KCNAB1: variants seen among roughly 807,000 people sequenced by gnomAD.
KCNAB1 encodes the protein voltage-gated potassium channel subunit beta-1.
In KCNAB1, 35 loss-of-function variants were observed where a neutral mutation model predicts 64.6. The ratio of observed to expected loss-of-function variants is 0.54; its 90% CI spans 0.41 to 0.72. The LOEUF is 0.72. Ranked by LOEUF, KCNAB1 falls within the 30% of genes least tolerant of loss-of-function variation. The probability of loss-of-function intolerance (pLI) is 0.00; values close to 1 mark genes in which losing one functional copy is unlikely to be tolerated. For missense variants in KCNAB1, 401 were observed against 512.9 expected (o/e 0.78, Z 2.11); for synonymous variants, 177 against 183.8 (o/e 0.96, Z 0.30).
At chr3:156,273,430 G>A in intron 1 of KCNAB1, 1 of 367,022 alleles carries the variant, frequency 2.7e-6, no homozygotes, top group Admixed American at 3.1e-5. Context: ...GCTAGGCCTG[G>A]TCTAAATGCT....
intron 1 of KCNAB1, among the ~76,000 whole-genome samples, chr3:156,412,995 T>C (rs962613754): frequency 6.6e-6 from 1 of 152,216 alleles, no homozygotes; most frequent in African/African-American, 2.4e-5. Context: ...TGGTCTAAAG[T>C]GCTGGAGTTA....
chr3:156,536,027 T>G (rs1367757137), intron 13 of KCNAB1, among the ~76,000 whole-genome samples: 1 of 152,230 alleles, frequency 6.6e-6, no homozygotes, highest in East Asian at 1.9e-4. Flanking sequence ...TCACTCCAGT[T>G]CACTTTTCCA....
chr3:156,524,168 CA>C, intron 12 of KCNAB1: 1 of 477,324 alleles, frequency 2.1e-6, no homozygotes, highest in Non-Finnish European at 3.7e-6. Flanking sequence ...GCTCTTATAA[CA>C]TAGTTTAAAT....
At chr3:156,182,618 T>G (rs1214951620) in intron 1 of KCNAB1, among the ~76,000 whole-genome samples, 1 of 81,248 alleles carries the variant, frequency 1.2e-5, no homozygotes, top group East Asian at 6.4e-4. Flanking sequence ...TTTCCAGGGT[T>G]GGTTTTTTTT....
intron 2 of KCNAB1, among the ~76,000 whole-genome samples, chr3:156,434,265 T>C (rs534248354): frequency 5.9e-5 from 9 of 152,164 alleles, no homozygotes; most frequent in Non-Finnish European, 1.0e-4. Flanking sequence ...ACAGTGCAGA[T>C]GGCAAGGTGG....
intron 1 of KCNAB1, among the ~76,000 whole-genome samples, chr3:156,393,467 T>C (rs1212366930): frequency 6.6e-6 from 1 of 152,162 alleles, no homozygotes; most frequent in East Asian, 1.9e-4. Context: ...TATACCCTTC[T>C]CTTACTAATC....
At chr3:156,429,690 T>C (rs1209299186) in intron 2 of KCNAB1, among the ~76,000 whole-genome samples, 1 of 152,204 alleles carries the variant, frequency 6.6e-6, no homozygotes, top group Non-Finnish European at 1.5e-5. Flanking sequence ...ATGATTCCCA[T>C]TCTTGTTGTT....
intron 12 of KCNAB1, among the ~76,000 whole-genome samples, chr3:156,526,314 T>G (rs143307450): frequency 6.6e-6 from 1 of 152,306 alleles, no homozygotes; most frequent in East Asian, 1.9e-4. Flanking sequence ...CCTGTCGCTA[T>G]GGGATGCATA....
intron 1 of KCNAB1, among the ~76,000 whole-genome samples, chr3:156,197,835 C>A (rs151015365): frequency 6.6e-6 from 1 of 152,192 alleles, no homozygotes; most frequent in Admixed American, 6.5e-5. Flanking sequence ...CTTCTGCTAG[C>A]TTTTGAATTC....
intron 1 of KCNAB1, among the ~76,000 whole-genome samples, chr3:156,325,057 T>G (rs1369362265): frequency 6.6e-6 from 1 of 152,160 alleles, no homozygotes; most frequent in East Asian, 1.9e-4. Context: ...AACTTTCATT[T>G]ATGGAGGGTT....
intron 1 of KCNAB1, among the ~76,000 whole-genome samples, chr3:156,262,898 T>G (rs1196116175): frequency 6.6e-6 from 1 of 151,892 alleles, no homozygotes; most frequent in Admixed American, 6.5e-5. Flanking sequence ...TAATTTGTGT[T>G]GTTTTAGGTA....
intron 1 of KCNAB1, among the ~76,000 whole-genome samples, chr3:156,137,322 G>C (rs557072488): frequency 2.5e-4 from 38 of 152,040 alleles, no homozygotes; most frequent in Admixed American, 5.2e-4. Flanking sequence ...TGCTACCTTT[G>C]GGTCTAGGGA....
chr3:156,404,883 T>C (rs1714146104), intron 1 of KCNAB1, among the ~76,000 whole-genome samples: 2 of 152,334 alleles, frequency 1.3e-5, no homozygotes, highest in Admixed American at 1.3e-4. Context: ...ATGGCTTTGA[T>C]GCTGCATGTA....
chr3:156,413,985 T>C (rs1559872775), intron 1 of KCNAB1, among the ~76,000 whole-genome samples: 4 of 152,122 alleles, frequency 2.6e-5, no homozygotes, highest in Admixed American at 2.6e-4. Context: ...TCAAGGAAAA[T>C]GAAAGGCAGA....
At chr3:156,311,475 G>A (rs529089286) in intron 1 of KCNAB1, among the ~76,000 whole-genome samples, 3 of 152,298 alleles carry the variant, frequency 2.0e-5, no homozygotes, top group East Asian at 1.9e-4. Flanking sequence ...AGGATAGGTC[G>A]TGGGTGAATG....
intron 1 of KCNAB1, among the ~76,000 whole-genome samples, chr3:156,321,942 A>G (rs1490801363): frequency 1.3e-5 from 2 of 152,188 alleles, no homozygotes; most frequent in Non-Finnish European, 2.9e-5. Flanking sequence ...TGTCAAAACT[A>G]CCCTTGAAAA....
intron 1 of KCNAB1, among the ~76,000 whole-genome samples, chr3:156,258,370 A>T (rs1343635420): frequency 6.6e-6 from 1 of 152,234 alleles, no homozygotes; most frequent in Admixed American, 6.5e-5. Flanking sequence ...CATAACTACC[A>T]TTCAGAAAAG....
In KCNAB1 at chr3:156,233,144, A is replaced by G. The variant is rs138272131; in HGVS notation, c.275+112258A>G. On this transcript the variant is annotated intron_variant, in intron 1 of 13. Coordinates refer to ENST00000490337, the MANE Select transcript of KCNAB1 (RefSeq NM_172160.3). ...GCACAAAGGGGAATGAATAAAACAG[A>G]TAAGTGTCTTTGCTCCTGTGGAGCT... Among the ~76,000 whole-genome samples the G allele has an allele frequency of 3.2e-3, 492 of 152,340 alleles. 4 individuals carry two copies. The highest frequency in any genetic ancestry group is 0.011 in the African/African-American group (475 of 41,584).
intron 1 of KCNAB1, among the ~76,000 whole-genome samples, chr3:156,388,732 C>T (rs532156171): frequency 6.6e-6 from 1 of 152,220 alleles, no homozygotes; most frequent in Non-Finnish European, 1.5e-5. Flanking sequence ...CCTCACATGC[C>T]TCACATCCTG....
Sources: gnomAD v4.1 joint callset for allele counts (sites outside exome capture counted in the v4.1 genomes callset) on GRCh38, gnomAD v4.1.1 for gene constraint, MANE v1.5 for transcripts, NCBI Gene and HGNC (gene_info 2026-07-23, HGNC 2026-07-21) for gene names.